Variants in ZC3H6 observed in about 807,000 individuals in gnomAD.
ZC3H6 encodes zinc finger CCCH domain-containing protein 6.
ZC3H6 carries 40 observed loss-of-function variants against 107.7 expected under a neutral mutation model. The ratio of observed to expected loss-of-function variants is 0.37; its 90% confidence interval spans 0.29 to 0.48. The LOEUF (loss-of-function observed/expected upper bound fraction) is 0.48. ZC3H6 is among the 20% of genes least tolerant of loss of function. The pLI is 0.98. For missense variants in ZC3H6, 1,267 were observed against 1,410.4 expected, an observed-to-expected ratio of 0.90 and a Z score of 1.63; for synonymous variants, 493 against 487.9, an observed-to-expected ratio of 1.01 and a Z score of -0.14.
intron 7 of ZC3H6, among the ~76,000 whole-genome samples, chr2:112,320,280 A>G (rs971648426): frequency 6.6e-6 from 1 of 152,228 alleles, no homozygotes; most frequent in African/African-American, 2.4e-5. Flanking sequence ...GATTGTGAAT[A>G]TTGTATTTTT....
intron 10 of ZC3H6, 108 bp from the exon 11 acceptor site, chr2:112,324,856 G>T: frequency 8.8e-7 from 1 of 1,132,242 alleles, no homozygotes; most frequent in African/African-American, 1.6e-5. Flanking sequence ...TATTTTAAAT[G>T]ATATAATTTG....
chr2:112,317,392 GT>G (rs1305992329), intron 7 of ZC3H6, 60 bp downstream of exon 7: 36 of 983,382 alleles, frequency 3.7e-5, no homozygotes, highest in Non-Finnish European at 5.3e-5. Context: ...CATCATTGAG[GT>G]TTTAAAAAAT....
At chr2:112,287,881 C>A (rs1287000624) in intron 1 of ZC3H6, among the ~76,000 whole-genome samples, 1 of 152,254 alleles carries the variant, frequency 6.6e-6, no homozygotes, top group Non-Finnish European at 1.5e-5. Flanking sequence ...GGATTACAGG[C>A]GTGAGCCACC....
In ZC3H6 at chr2:112,332,245, G is replaced by A; in HGVS notation, c.3327G>A (p.Gly1109=). ...CAAACGTGGGAGTCACTCTTGAGGGGCCAGCTGACCCACAGGCGGACGTTC... is the reference window on the plus strand; with the variant it reads ...CAAACGTGGGAGTCACTCTTGAGGGACCAGCTGACCCACAGGCGGACGTTC... ...PSPNVGVTLE[G]PADPQADVPR... Residue 1109 remains glycine, a synonymous_variant, in exon 12 of 12, where the codon GGG becomes GGA. Coordinates refer to ENST00000409871, the MANE Select transcript of ZC3H6 (RefSeq NM_198581.3). 6.2e-7 allele frequency: 1 copy of A among 1,613,952 alleles called. No individual in the cohort carries two copies. Among genetic ancestry groups the A allele is most frequent in the Non-Finnish European group, 8.5e-7 (1 of 1,179,878 alleles).
chr2:112,282,832 G>A (rs1196903604), intron 1 of ZC3H6, among the ~76,000 whole-genome samples: 5 of 152,198 alleles, frequency 3.3e-5, no homozygotes, highest in South Asian at 2.1e-4. Context: ...TGGCATCGGC[G>A]CTGATAAAGT....
chr2:112,292,330 G>C (rs1263197144), intron 1 of ZC3H6, among the ~76,000 whole-genome samples: 1 of 152,190 alleles, frequency 6.6e-6, no homozygotes, highest in Middle Eastern at 3.2e-3. Context: ...TGAAGGGCTT[G>C]GCATTTGGCC....
Position 112,339,317 on chromosome 2 carries a change from G to T in ZC3H6, c.*6829G>T, listed in dbSNP as rs920961284. 1.1e-4 allele frequency: 16 copies of T among 152,242 alleles called. No individual in the cohort carries two copies. The highest frequency in any genetic ancestry group is 3.6e-4 in the African/African-American group (15 of 41,530). 9.4% of individuals were successfully genotyped at this position (152,242 alleles called of 1,614,324 possible). On this transcript the variant is annotated 3_prime_UTR_variant, in exon 12 of 12. Coordinates refer to ENST00000409871, the MANE Select transcript of ZC3H6 (RefSeq NM_198581.3). Reference sequence around the variant, plus strand: ...AATTTGCCCTCAAATGTTTGAGAGGGAAGTCACATATGATAGAAAAATATC... The same window carrying T: ...AATTTGCCCTCAAATGTTTGAGAGGTAAGTCACATATGATAGAAAAATATC...
rs1420967338 is a variant in ZC3H6, at chr2:112,337,794, ATTT to A, written c.*5311_*5313del. On this transcript the variant is annotated 3_prime_UTR_variant, in exon 12 of 12. Transcript: ENST00000409871. ...GCCACCACACCCAGCTAATTTTTGT[ATTT>A]TTTTGGTAGAGACAGGGTTTGACCA... The A allele has an allele frequency of 6.6e-6, 1 of 150,760 alleles. No homozygotes were observed. Among genetic ancestry groups the A allele is most frequent in the Admixed American group, 6.6e-5 (1 of 15,158 alleles). The allele number at this position is 150,760 out of a possible 1,614,324, so 9.3% of individuals were successfully genotyped here. A position where few individuals can be genotyped will look rare whatever the true frequency, so the allele number is the denominator to read the frequency against.
At chr2:112,321,112 T>C (rs986713989) in intron 7 of ZC3H6, among the ~76,000 whole-genome samples, 1 of 152,054 alleles carries the variant, frequency 6.6e-6, no homozygotes, top group Non-Finnish European at 1.5e-5. Flanking sequence ...TGAACATACA[T>C]CACCTGAGAG....
intron 1 of ZC3H6, among the ~76,000 whole-genome samples, chr2:112,298,008 G>A (rs1205114911): frequency 2.6e-5 from 4 of 152,102 alleles, no homozygotes; most frequent in Non-Finnish European, 2.9e-5. Context: ...CCAGCTACTC[G>A]GAGGCTGAGG....
intron 4 of ZC3H6, among the ~76,000 whole-genome samples, chr2:112,310,632 A>G (rs1433800510): frequency 3.3e-5 from 5 of 152,246 alleles, no homozygotes; most frequent in African/African-American, 1.2e-4. Flanking sequence ...TCACCTGTTT[A>G]TCTGCAATAT....
chr2:112,331,018 C>T lies in ZC3H6; in HGVS notation c.2100C>T (p.Asn700=), dbSNP rs764037363. Residue 700 remains asparagine, a synonymous_variant, in exon 12 of 12, where the codon AAC becomes AAT. Coordinates refer to ENST00000409871, the MANE Select transcript of ZC3H6 (RefSeq NM_198581.3). ...APSKEEDDTV[N]WYSSSEEEEG... Reference sequence around the variant, plus strand: ...GTCTGCATTTAGATGATACAGTTAACTGGTATTCCAGTAGTGAAGAGGAAG... The same window carrying T: ...GTCTGCATTTAGATGATACAGTTAATTGGTATTCCAGTAGTGAAGAGGAAG... 5.3e-6 allele frequency: 8 copies of T among 1,516,144 alleles called. No individual in the cohort carries two copies. The East Asian group carries it at 9.8e-5, about 19-fold the overall frequency. 93.9% of individuals were successfully genotyped at this position (1,516,144 alleles called of 1,614,324 possible).
At chr2:112,317,843 A>G (rs1324679359) in intron 7 of ZC3H6, among the ~76,000 whole-genome samples, 2 of 152,216 alleles carry the variant, frequency 1.3e-5, no homozygotes, top group Non-Finnish European at 2.9e-5. Flanking sequence ...CTTTAAAAAA[A>G]TGTATTCTGC....
chr2:112,296,834 GAACA>G (rs1298785894), intron 1 of ZC3H6, among the ~76,000 whole-genome samples: 2 of 152,164 alleles, frequency 1.3e-5, no homozygotes, highest in Admixed American at 1.3e-4. Flanking sequence ...TTTCACCAAT[GAACA>G]AACAAGTCAT....
intron 1 of ZC3H6, among the ~76,000 whole-genome samples, chr2:112,296,419 A>G (rs1224364641): frequency 1.3e-5 from 2 of 152,140 alleles, no homozygotes; most frequent in African/African-American, 4.8e-5. Context: ...TAATTTATAT[A>G]TCTATTTGCC....
At position 112,320,903 on chromosome 2, in the gene ZC3H6, A is replaced by G. The variant is rs1038056557; in HGVS notation, c.977-853A>G. 5.9e-5 allele frequency among the ~76,000 whole-genome samples: 9 copies of G among 152,156 alleles called. 1 individual carries two copies. Among genetic ancestry groups the G allele is most frequent in the South Asian group, 4.1e-4 (2 of 4,834 alleles). ...TTTTAGCTTGTGGCTGCAGTTTTAAAGTAAGTTTTAAAAAATCAATTAAGA... is the reference window on the plus strand; with the variant it reads ...TTTTAGCTTGTGGCTGCAGTTTTAAGGTAAGTTTTAAAAAATCAATTAAGA... On this transcript the variant is annotated intron_variant, in intron 7 of 11. Transcript: ENST00000409871.
chr2:112,317,659 T>G (rs1676726486), intron 7 of ZC3H6, among the ~76,000 whole-genome samples: 1 of 152,228 alleles, frequency 6.6e-6, no homozygotes, highest in Admixed American at 6.5e-5. Flanking sequence ...ATTATTTTAC[T>G]TAAGTTCGGG....
Position 112,324,672 on chromosome 2 carries a change from A to G in ZC3H6, c.1852+9A>G. Reference sequence around the variant, plus strand: ...ACCCAATAACTCTGGTGGTAAGTTTACTTTTTTGAAATAATTTATTCCTAA... The same window carrying G: ...ACCCAATAACTCTGGTGGTAAGTTTGCTTTTTTGAAATAATTTATTCCTAA... On this transcript the variant is annotated intron_variant, in intron 10 of 11. Coordinates refer to ENST00000409871, the MANE Select transcript of ZC3H6 (RefSeq NM_198581.3). 7 of 1,521,256 alleles carry G rather than the reference A, an allele frequency of 4.6e-6. No individual in the cohort carries two copies. In the South Asian group the frequency reaches 8.4e-5, roughly 18 times the overall value. The allele number at this position is 1,521,256 out of a possible 1,614,324, so 94.2% of individuals were successfully genotyped here. A position where few individuals can be genotyped will look rare whatever the true frequency, so the allele number is the denominator to read the frequency against.
chr2:112,275,919 G>A lies in ZC3H6; in HGVS notation c.-76G>A, dbSNP rs1028564695. 2.2e-6 allele frequency: 3 copies of A among 1,351,676 alleles called. No homozygotes were observed. Among genetic ancestry groups the A allele is most frequent in the South Asian group, 1.4e-5 (1 of 71,192 alleles). 83.7% of individuals were successfully genotyped at this position (1,351,676 alleles called of 1,614,324 possible). A position where few individuals can be genotyped will look rare whatever the true frequency, so the allele number is the denominator to read the frequency against. The stretch of plus-strand genomic sequence containing the variant: ...GGGAGCAGGTTCCCGCAGGCGGCGC[G>A]GGGGGTCTTCCCCGCGCCCCGCCGC... On this transcript the variant is annotated 5_prime_UTR_variant, in exon 1 of 12. Coordinates refer to ENST00000409871, the MANE Select transcript of ZC3H6 (RefSeq NM_198581.3).
Sources: gnomAD v4.1 joint callset for allele counts (sites outside exome capture counted in the v4.1 genomes callset) on GRCh38, gnomAD v4.1.1 for gene constraint, MANE v1.5 for transcripts, NCBI Gene and HGNC (gene_info 2026-07-23, HGNC 2026-07-21) for gene names.